Variants in PCDHGB4 observed in about 807,000 individuals in gnomAD.
PCDHGB4 encodes the protein protocadherin gamma subfamily B, 4.
In PCDHGB4, 38 loss-of-function variants were observed where a neutral mutation model predicts 60.5. The observed-to-expected ratio is 0.63, with a 90% confidence interval of 0.48 to 0.82. The LOEUF (loss-of-function observed/expected upper bound fraction) is 0.82, where lower values mean the gene tolerates loss of function less well. Among genes scored for constraint, PCDHGB4 ranks in the 40% least tolerant of loss-of-function variants. The pLI is 0.00. For missense variants in PCDHGB4, 1,109 were observed against 1,209.6 expected (o/e 0.92, Z 1.23); for synonymous variants, 456 against 509.7 (o/e 0.89, Z 1.42).
At chr5:141,473,401 T>G (rs1285517100) in intron 1 of PCDHGB4, among the ~76,000 whole-genome samples, 3 of 152,222 alleles carry the variant, frequency 2.0e-5, no homozygotes. Context: ...GCTTCTTTTT[T>G]TCTTCTTCAG....
At chr5:141,409,184 T>C in intron 1 of PCDHGB4, 1 of 1,614,044 alleles carries the variant, frequency 6.2e-7, no homozygotes, top group Non-Finnish European at 8.5e-7. Context: ...AGGTGGTCTC[T>C]CTACCCAGTG....
At chr5:141,505,538 T>C in intron 3 of PCDHGB4, 57 bp downstream of exon 3, 1 of 1,610,262 alleles carries the variant, frequency 6.2e-7, no homozygotes, top group Non-Finnish European at 8.5e-7. Context: ...CTGGGGTGCA[T>C]CTCACAGCCA....
At position 141,476,994 on chromosome 5, in the gene PCDHGB4, A is replaced by T; in HGVS notation, c.2398-17813A>T. 6.2e-7 allele frequency: 1 copy of T among 1,614,260 alleles called. No individual in the cohort carries two copies. The highest frequency in any genetic ancestry group is 2.2e-5 in the East Asian group (1 of 44,884). On this transcript the variant is annotated intron_variant, in intron 1 of 3. Transcript: ENST00000519479. This position sits in a 1 kb window ranked among gnomAD's most constrained non-coding sequence, Gnocchi z 7.6. ...AGCCACAACCGCGCCGGCGTGCGGC[A>T]ACTATTCGCCTTAGACCTTGTAACC...
At chr5:141,415,063 G>A (rs569362520) in intron 1 of PCDHGB4, 3 of 1,613,432 alleles carry the variant, frequency 1.9e-6, no homozygotes, top group Admixed American at 1.7e-5. Flanking sequence ...CACGGGCGAG[G>A]TGCGCACGGC....
intron 1 of PCDHGB4, chr5:141,394,449 A>G (rs773696678): frequency 2.5e-6 from 4 of 1,614,112 alleles, no homozygotes; most frequent in Admixed American, 1.7e-5. Context: ...CAGCAGCAAC[A>G]TGTCACTGAG....
chr5:141,490,232 A>G lies in PCDHGB4; in HGVS notation c.2398-4575A>G. 6.2e-7 allele frequency: 1 copy of G among 1,614,216 alleles called. No homozygotes were observed. Among genetic ancestry groups the G allele is most frequent in the Non-Finnish European group, 8.5e-7 (1 of 1,180,032 alleles). ...CGTGACCAGGGACAGCCTGCCATGG[A>G]GGGCCACTGTGTGATTCAAGTGGAT... On this transcript the variant is annotated intron_variant, in intron 1 of 3. Transcript: ENST00000519479. This position sits in a 1 kb window ranked among gnomAD's most constrained non-coding sequence, Gnocchi z 5.4.
At chr5:141,502,118 G>A (rs897244225) in intron 2 of PCDHGB4, among the ~76,000 whole-genome samples, 3 of 152,108 alleles carry the variant, frequency 2.0e-5, no homozygotes, top group African/African-American at 7.2e-5. Context: ...CCTCAGCCAG[G>A]CCCACAGAGC....
chr5:141,415,736 T>G, intron 1 of PCDHGB4: 1 of 1,289,978 alleles, frequency 7.8e-7, no homozygotes, highest in South Asian at 1.8e-5. Context: ...TGATGTTTAT[T>G]AAGGTTTTTT....
intron 1 of PCDHGB4, among the ~76,000 whole-genome samples, chr5:141,469,716 A>G (rs1189597018): frequency 3.9e-5 from 6 of 152,260 alleles, no homozygotes; most frequent in African/African-American, 1.4e-4. Context: ...CACTATTAGG[A>G]ATTTATCATA....
chr5:141,446,639 G>T (rs1461520959), intron 1 of PCDHGB4, among the ~76,000 whole-genome samples: 7 of 152,116 alleles, frequency 4.6e-5, no homozygotes, highest in Non-Finnish European at 8.8e-5. Flanking sequence ...ACCACGCCTG[G>T]CTAATTTTTG....
At position 141,388,956 on chromosome 5, in the gene PCDHGB4, G is replaced by A. The variant is rs1010974359; in HGVS notation, c.1072G>A (p.Ala358Thr). 1.9e-6 allele frequency: 3 copies of A among 1,613,964 alleles called. No individual in the cohort carries two copies. The highest frequency in any genetic ancestry group is 1.1e-5 in the South Asian group (1 of 91,086). Residue 358 changes from alanine to threonine, a missense_variant, in exon 1 of 4, where the codon GCC becomes ACC. Physicochemically the swap from Ala to Thr is moderately conservative, Grantham distance 58. Around this residue, in one of 2 missense-constraint regions of PCDHGB4, gnomAD observed 1,068 missense variants for 1,089.9 expected, o/e 0.98. Transcript: ENST00000519479. The part of the protein sequence containing the change: ...QSLPNLIMED[A>T]ELGTHIALLK... ...TCTACCCAACCTAATTATGGAGGAC[G>A]CCGAGCTGGGAACACATATTGCTTT...
At position 141,431,307 on chromosome 5, in the gene PCDHGB4, A is replaced by G. The variant is rs1332508283; in HGVS notation, c.2397+41026A>G. On this transcript the variant is annotated intron_variant, in intron 1 of 3. Transcript: ENST00000519479. This position sits in a 1 kb window ranked among gnomAD's most constrained non-coding sequence, Gnocchi z 4.8. ...AACACTCACTTCTCCCTCATCGTGC[A>G]AAATGGAGCCGACGGTAGTAAGTAC... 3.7e-6 allele frequency: 6 copies of G among 1,614,002 alleles called. No homozygotes were observed. The African/African-American group carries it at 4.0e-5, about 11-fold the overall frequency.
intron 1 of PCDHGB4, chr5:141,410,156 C>T: frequency 6.2e-7 from 1 of 1,613,514 alleles, no homozygotes; most frequent in Non-Finnish European, 8.5e-7. Context: ...CGGTGGACAG[C>T]CGCCACTCTC....
Position 141,390,179 on chromosome 5 carries a change from A to G in PCDHGB4, c.2295A>G (p.Leu765=), listed in dbSNP as rs1561630532. 1 of 1,614,044 alleles carries G rather than the reference A, an allele frequency of 6.2e-7. No individual in the cohort carries two copies. The highest frequency in any genetic ancestry group is 1.3e-5 in the African/African-American group (1 of 75,056). ...AHTGKTEFNF[L]KCSEQLSSGQ... ...CAGGAAAGACGGAGTTTAATTTCCTAAAATGTAGTGAGCAGTTGAGTTCAG... is the reference window on the plus strand; with the variant it reads ...CAGGAAAGACGGAGTTTAATTTCCTGAAATGTAGTGAGCAGTTGAGTTCAG... The change falls in exon 1 of 4, where the codon CTA becomes CTG. Residue 765 remains leucine, a synonymous_variant. Transcript: ENST00000519479.
chr5:141,419,945 T>TTGGCCTTGATTTCTG (rs1205104698), intron 1 of PCDHGB4: 6 of 1,613,970 alleles, frequency 3.7e-6, no homozygotes, highest in Non-Finnish European at 4.2e-6. Flanking sequence ...GGTGGTGGCC[T>TTGGCCTTGATTTCTG]TGGCCTTGAT....
intron 1 of PCDHGB4, chr5:141,416,286 T>C (rs1415036175): frequency 2.0e-5 from 3 of 152,304 alleles, no homozygotes; most frequent in Non-Finnish European, 4.4e-5. Context: ...AATTCTCTAA[T>C]TTCACACTGC....
In PCDHGB4 at chr5:141,432,827, A is replaced by G. The variant is rs758445645; in HGVS notation, c.2397+42546A>G. ...AGCTAACTCTGAAACCTCAGACCTC[A>G]CTCTGTACCTGGTGGTAGCGGTGGC... On this transcript the variant is annotated intron_variant, in intron 1 of 3. Transcript: ENST00000519479. The surrounding 1 kb of genome is among the most constrained non-coding windows in gnomAD (Gnocchi z 6.0). 9 of 1,613,142 alleles carry G rather than the reference A, an allele frequency of 5.6e-6. No individual in the cohort carries two copies. Among genetic ancestry groups the G allele is most frequent in the Admixed American group, 1.7e-5 (1 of 59,958 alleles).
At chr5:141,437,249 T>G (rs2097870737) in intron 1 of PCDHGB4, among the ~76,000 whole-genome samples, 1 of 152,240 alleles carries the variant, frequency 6.6e-6, no homozygotes, top group African/African-American at 2.4e-5. Context: ...GGACTTTCCT[T>G]GTCTTTTTAT....
At chr5:141,430,021 T>C (rs2097257368) in intron 1 of PCDHGB4, among the ~76,000 whole-genome samples, 1 of 152,226 alleles carries the variant, frequency 6.6e-6, no homozygotes, top group Admixed American at 6.5e-5. Context: ...TGGGTTCTTG[T>C]TAAGTGTGAT....
Sources: allele counts gnomAD v4.1 joint callset (sites outside exome capture counted in the v4.1 genomes callset), GRCh38; gene constraint gnomAD v4.1.1; regional missense constraint gnomAD v4.1.1; non-coding constraint Gnocchi (gnomAD v3.1); transcripts MANE v1.5; gene names NCBI Gene and HGNC (gene_info 2026-07-23, HGNC 2026-07-21).